Variants in BICC1 observed in about 807,000 individuals in gnomAD.
BICC1 encodes BicC family RNA binding protein 1.
BICC1 carries 43 observed loss-of-function variants against 111.0 expected under a neutral mutation model. The observed-to-expected ratio is 0.39, with a 90% CI of 0.30 to 0.50. The LOEUF (loss-of-function observed/expected upper bound fraction) is 0.50, where lower values mean the gene tolerates loss of function less well. Ranked by LOEUF, BICC1 falls within the 20% of genes least tolerant of loss-of-function variation. The pLI is 0.88. For missense variants in BICC1, 1,091 were observed against 1,203.2 expected, an observed-to-expected ratio of 0.91 and a Z score of 1.38; for synonymous variants, 467 against 434.4, an observed-to-expected ratio of 1.07 and a Z score of -0.93.
chr10:58,801,479 C>A (rs1351161199), intron 14 of BICC1, among the ~76,000 whole-genome samples: 1 of 152,166 alleles, frequency 6.6e-6, no homozygotes, highest in Non-Finnish European at 1.5e-5. Flanking sequence ...AAATGCTTGA[C>A]ATTATCATGA....
intron 2 of BICC1, chr10:58,648,677 A>T (rs1046259682): frequency 1.2e-5 from 12 of 983,912 alleles, no homozygotes; most frequent in Non-Finnish European, 1.4e-5. Context: ...AAGGTACAGA[A>T]TGCCTCTACA....
chr10:58,658,807 C>G (rs1478783659), intron 2 of BICC1, among the ~76,000 whole-genome samples: 1 of 152,100 alleles, frequency 6.6e-6, no homozygotes, highest in Admixed American at 6.6e-5. Flanking sequence ...GTTTCTGGCA[C>G]AAGCAGATGT....
At chr10:58,748,465 G>T (rs1338443773) in intron 3 of BICC1, among the ~76,000 whole-genome samples, 1 of 151,956 alleles carries the variant, frequency 6.6e-6, no homozygotes, top group Non-Finnish European at 1.5e-5. Context: ...AAAAAGTGGT[G>T]GGGGGTGGGG....
At chr10:58,659,002 A>G (rs1417296051) in intron 2 of BICC1, among the ~76,000 whole-genome samples, 1 of 150,070 alleles carries the variant, frequency 6.7e-6, no homozygotes. Flanking sequence ...GTGTGTATGT[A>G]TACACGTACG....
At chr10:58,770,296 T>C (rs1280538052) in intron 3 of BICC1, among the ~76,000 whole-genome samples, 1 of 152,234 alleles carries the variant, frequency 6.6e-6, no homozygotes, top group East Asian at 1.9e-4. Flanking sequence ...TTTTCTTTTT[T>C]TGAGAAACAG....
In BICC1 at chr10:58,796,334, T is replaced by C; in HGVS notation, c.1180-6T>C. 6.2e-7 allele frequency: 1 copy of C among 1,613,166 alleles called. No homozygotes were observed. The highest frequency in any genetic ancestry group is 8.5e-7 in the Non-Finnish European group (1 of 1,179,448). On this transcript the variant is annotated splice_polypyrimidine_tract_variant and splice_region_variant and intron_variant, in intron 9 of 20. Transcript: ENST00000373886. ...ACCTTTTTTCCCCCATTATGTGTTT[T>C]CATAGTCTGTGATTGTGAAAAGTGT...
chr10:58,634,789 C>T (rs2393457), intron 2 of BICC1, among the ~76,000 whole-genome samples: 148,517 of 152,278 alleles, frequency 0.98, 72,531 homozygotes, highest in East Asian at 1. Flanking sequence ...ATAAAATCAT[C>T]AAATAACATG....
chr10:58,564,501 T>C (rs1484954308), intron 1 of BICC1, among the ~76,000 whole-genome samples: 1 of 152,218 alleles, frequency 6.6e-6, no homozygotes, highest in East Asian at 1.9e-4. Flanking sequence ...TGTCACTCAG[T>C]GAGCAAGAGG....
At chr10:58,638,123 G>A (rs561452678) in intron 2 of BICC1, among the ~76,000 whole-genome samples, 6 of 152,136 alleles carry the variant, frequency 3.9e-5, no homozygotes, top group Admixed American at 6.5e-5. Context: ...TAACTAATAC[G>A]ATGACTTTTA....
In BICC1 at chr10:58,750,400, A is replaced by C. The variant is rs1841953246; in HGVS notation, c.308-34601A>C. Among the ~76,000 whole-genome samples, 2 of 152,154 alleles carry C rather than the reference A, an allele frequency of 1.3e-5. 1 individual carries two copies. Among genetic ancestry groups the C allele is most frequent in the South Asian group, 4.1e-4 (2 of 4,826 alleles). On this transcript the variant is annotated intron_variant, in intron 3 of 20. Coordinates refer to ENST00000373886, the MANE Select transcript of BICC1 (RefSeq NM_001080512.3). ...TGATTGTTAGAAACATATAACCACT[A>C]AGGAAGAAAAAAAATGCCACTGTTA...
At chr10:58,638,294 T>C (rs1460810776) in intron 2 of BICC1, among the ~76,000 whole-genome samples, 1 of 151,892 alleles carries the variant, frequency 6.6e-6, no homozygotes, top group African/African-American at 2.4e-5. Flanking sequence ...ACATCTGTAC[T>C]TTATGGTAAG....
At chr10:58,775,841 T>A (rs1842736117) in intron 3 of BICC1, among the ~76,000 whole-genome samples, 2 of 152,216 alleles carry the variant, frequency 1.3e-5, no homozygotes, top group East Asian at 3.8e-4. Flanking sequence ...ATATTAGGCC[T>A]TTTTAATTTT....
intron 3 of BICC1, among the ~76,000 whole-genome samples, chr10:58,727,041 T>C (rs6481432): frequency 0.99 from 151,503 of 152,278 alleles, 75,373 homozygotes; most frequent in Middle Eastern, 1. Context: ...AAAAAGTAAG[T>C]ATAGATGCTT....
intron 2 of BICC1, among the ~76,000 whole-genome samples, chr10:58,631,538 T>C (rs769443677): frequency 2.0e-5 from 3 of 152,192 alleles, no homozygotes; most frequent in Non-Finnish European, 2.9e-5. Flanking sequence ...TGTGTACATA[T>C]GGCTTTTCTT....
chr10:58,742,310 T>G (rs112708707), intron 3 of BICC1, among the ~76,000 whole-genome samples: 86 of 152,276 alleles, frequency 5.6e-4, no homozygotes, highest in African/African-American at 1.7e-3. Context: ...ACTGTCTAGC[T>G]CTTACGGCAT....
intron 2 of BICC1, among the ~76,000 whole-genome samples, chr10:58,694,731 G>A (rs779458696): frequency 2.6e-5 from 4 of 152,100 alleles, no homozygotes; most frequent in African/African-American, 4.8e-5. Flanking sequence ...GGTGGTGGTG[G>A]GGACACTAAT....
chr10:58,534,427 C>T (rs1247721980), intron 1 of BICC1, among the ~76,000 whole-genome samples: 1 of 151,706 alleles, frequency 6.6e-6, no homozygotes, highest in African/African-American at 2.4e-5. Context: ...CATATCACTA[C>T]TACAACGAGC....
intron 1 of BICC1, among the ~76,000 whole-genome samples, chr10:58,620,251 T>A (rs1351466488): frequency 1.3e-5 from 2 of 152,198 alleles, no homozygotes; most frequent in Admixed American, 1.3e-4. Flanking sequence ...TCTATAAAAA[T>A]GATATGAAAA....
intron 3 of BICC1, among the ~76,000 whole-genome samples, chr10:58,756,456 T>G (rs1333368314): frequency 6.6e-6 from 1 of 152,146 alleles, no homozygotes; most frequent in Non-Finnish European, 1.5e-5. Flanking sequence ...AAGCTTGCTC[T>G]TATATTTAGG....
Sources: allele counts gnomAD v4.1 joint callset (sites outside exome capture counted in the v4.1 genomes callset), GRCh38; gene constraint gnomAD v4.1.1; transcripts MANE v1.5; gene names NCBI Gene and HGNC (gene_info 2026-07-23, HGNC 2026-07-21).